Variants in ZNF500 observed in about 807,000 individuals in gnomAD.
ZNF500 encodes zinc finger protein with KRAB and SCAN domains 18.
In ZNF500, 31 loss-of-function variants were observed where a neutral mutation model predicts 30.1. The ratio of observed to expected loss-of-function variants is 1.03; its 90% CI spans 0.77 to 1.39. The LOEUF (loss-of-function observed/expected upper bound fraction) is 1.39, where lower values mean the gene tolerates loss of function less well. Ranked by LOEUF, ZNF500 falls within the 40% of genes most tolerant of loss-of-function variation. The probability of loss-of-function intolerance (pLI) is 0.00; values close to 1 mark genes in which losing one functional copy is unlikely to be tolerated. For missense variants in ZNF500, 817 were observed against 657.8 expected, an observed-to-expected ratio of 1.24 and a Z score of -2.65; for synonymous variants, 392 against 282.0, an observed-to-expected ratio of 1.39 and a Z score of -3.91.
At chr16:4,766,453 CTACAAAAAA>C (rs1183606897) in intron 1 of ZNF500, among the ~76,000 whole-genome samples, 1 of 152,054 alleles carries the variant, frequency 6.6e-6, no homozygotes, top group Non-Finnish European at 1.5e-5. Flanking sequence ...AACCCTGTCT[CTACAAAAAA>C]TACAAAAATT....
downstream of ZNF500, chr16:4,747,212 T>G: frequency 7.8e-7 from 1 of 1,282,178 alleles, no homozygotes; most frequent in Non-Finnish European, 1.1e-6. Context: ...GCAGCAGTGA[T>G]GGGCTGCCTG....
Position 4,752,526 on chromosome 16 carries a change from G to C in ZNF500, c.1293C>G (p.His431Gln). 6.4e-7 allele frequency: 1 copy of C among 1,561,978 alleles called. No homozygotes were observed. Among genetic ancestry groups the C allele is most frequent in the East Asian group, 2.4e-5 (1 of 41,980 alleles). Residue 431 changes from histidine (H) to glutamine (Q), a missense_variant, in exon 6 of 6, where the codon CAC (histidine) becomes CAG (glutamine). His to Gln is a conservative substitution (Grantham distance 24, BLOSUM62 0). Transcript: ENST00000219478. The stretch of plus-strand genomic sequence containing the variant: ...GGCAGGTGTAGGGCTTCTCACCTGT[G>C]TGCGTCCGGCGGTGGGCGCTGAAGT... ...SSHFSAHRRT[H>Q]TGEKPYTCPA...
rs757062240 is a variant in ZNF500, at chr16:4,766,008, G to A, written c.-30C>T. 32 of 1,519,400 alleles carry A rather than the reference G, an allele frequency of 2.1e-5. 1 individual carries two copies. In the South Asian group the frequency reaches 4.2e-4, roughly 20 times the overall value. The allele number at this position is 1,519,400 out of a possible 1,614,324, so 94.1% of individuals were successfully genotyped here. On this transcript the variant is annotated 5_prime_UTR_variant, in exon 2 of 6. Coordinates refer to ENST00000219478, the MANE Select transcript of ZNF500 (RefSeq NM_021646.4). ...TCCGGTGGGCCTTGTTCCTTTTCAG[G>A]CCTTAGAGTTGAACCTGTCTCTCTC... is the stretch of plus-strand genomic sequence containing the variant.
At chr16:4,764,433 C>T (rs150439029) in intron 2 of ZNF500, among the ~76,000 whole-genome samples, 326 of 151,666 alleles carry the variant, frequency 2.1e-3, no homozygotes, top group African/African-American at 7.1e-3. Context: ...GGCTGAGGCA[C>T]GAGAATCACT....
intron 2 of ZNF500, 122 bp downstream of exon 2, chr16:4,765,443 T>C: frequency 7.1e-7 from 1 of 1,401,204 alleles, no homozygotes; most frequent in Non-Finnish European, 9.7e-7. Context: ...GTTGCTTTCC[T>C]CAAAAGGGCT....
At chr16:4,744,866 T>C (rs1186177291), downstream of ZNF500, 6 of 1,611,076 alleles carry the variant, frequency 3.7e-6, no homozygotes, top group Non-Finnish European at 5.1e-6. Context: ...TTGGCCATCC[T>C]CAGACCGCAT....
chr16:4,757,473 A>T (rs2082148266), intron 5 of ZNF500, among the ~76,000 whole-genome samples: 2 of 151,540 alleles, frequency 1.3e-5, no homozygotes, highest in African/African-American at 4.9e-5. Context: ...CCACTTTTGT[A>T]TTTTTTTGTA....
At chr16:4,763,480 G>T (rs907615408) in intron 2 of ZNF500, 2 of 870,676 alleles carry the variant, frequency 2.3e-6, no homozygotes. Flanking sequence ...TTCCAGGAAA[G>T]GTGAGTTGAA....
intron 5 of ZNF500, chr16:4,758,496 G>A (rs1398298944): frequency 1.3e-5 from 2 of 152,238 alleles, no homozygotes; most frequent in South Asian, 2.1e-4. Flanking sequence ...TGCGCTCAGA[G>A]ATCTTCAGAT....
In ZNF500 at chr16:4,749,895, G is replaced by C. The variant is rs2082062092; in HGVS notation, c.*2481C>G. The C allele has an allele frequency of 6.6e-6, 1 of 152,240 alleles. No homozygotes were observed. Among genetic ancestry groups the C allele is most frequent in the African/African-American group, 2.4e-5 (1 of 41,438 alleles). 9.4% of individuals were successfully genotyped at this position (152,240 alleles called of 1,614,324 possible). ...AACATCACAGCACACGCAGGCACCTGGGACTCACAGCTCCTACAAAACTCT... is the reference window on the plus strand; with the variant it reads ...AACATCACAGCACACGCAGGCACCTCGGACTCACAGCTCCTACAAAACTCT... On this transcript the variant is annotated 3_prime_UTR_variant, in exon 6 of 6. Coordinates refer to ENST00000219478, the MANE Select transcript of ZNF500 (RefSeq NM_021646.4).
At position 4,752,772 on chromosome 16, in the gene ZNF500, G is replaced by A. The variant is rs143816002; in HGVS notation, c.1047C>T (p.Gly349=). The A allele has an allele frequency of 1.5e-5, 25 of 1,614,058 alleles. No individual in the cohort carries two copies. In the Admixed American group the frequency reaches 2.5e-4, roughly 16 times the overall value. Residue 349 remains glycine (G), a synonymous_variant, in exon 6 of 6, where the codon GGC becomes GGT. Coordinates refer to ENST00000219478, the MANE Select transcript of ZNF500 (RefSeq NM_021646.4). ...HLTKHQRTHT[G]ERPYKCLVCG... The stretch of plus-strand genomic sequence containing the variant: ...AGACTAGGCACTTGTAAGGCCGCTC[G>A]CCCGTGTGTGTGCGCTGGTGCTTGG...
At position 4,752,465 on chromosome 16, in the gene ZNF500, G is replaced by C. The variant is rs569911597; in HGVS notation, c.1354C>G (p.Leu452Val). ...ATGTGGGTCCGCTGGTGCTTGTGCA[G>C]GTCGGTGCCCCGGCGGAAGCCCCGG... ...CGRGFRRGTD[L>V]HKHQRTHMGA... Residue 452 changes from leucine (L) to valine (V), a missense_variant, in exon 6 of 6, where the codon CTG becomes GTG. Transcript: ENST00000219478. 1 of 1,543,846 alleles carries C rather than the reference G, an allele frequency of 6.5e-7. No homozygotes were observed. The highest frequency in any genetic ancestry group is 2.4e-5 in the East Asian group (1 of 41,158).
At chr16:4,764,190 G>C in intron 2 of ZNF500, 1 of 636,012 alleles carries the variant, frequency 1.6e-6, no homozygotes, top group Non-Finnish European at 2.0e-6. Context: ...TGACGACTGA[G>C]CCCTTGAGAG....
chr16:4,746,556 G>A (rs774575797), downstream of ZNF500: 1 of 1,587,798 alleles, frequency 6.3e-7, no homozygotes, highest in South Asian at 1.1e-5. Context: ...CTACTTTGCA[G>A]AGTTGCCTGT....
At chr16:4,747,481 T>C, downstream of ZNF500, 1 of 1,613,210 alleles carries the variant, frequency 6.2e-7, no homozygotes, top group Non-Finnish European at 8.5e-7. Context: ...GATCACGAAC[T>C]GGGAGGAAGC....
intron 5 of ZNF500, among the ~76,000 whole-genome samples, chr16:4,755,617 G>A (rs749664015): frequency 1.1e-4 from 16 of 152,066 alleles, no homozygotes; most frequent in Non-Finnish European, 1.9e-4. Context: ...ATGCCTGGCC[G>A]TACAAATATT....
chr16:4,752,775 C>A lies in ZNF500; in HGVS notation c.1044G>T (p.Thr348=). ...SHLTKHQRTH[T]GERPYKCLVC... ...CTAGGCACTTGTAAGGCCGCTCGCC[C>A]GTGTGTGTGCGCTGGTGCTTGGTCA... Residue 348 remains threonine (T), a synonymous_variant, in exon 6 of 6, where the codon ACG becomes ACT. Coordinates refer to ENST00000219478, the MANE Select transcript of ZNF500 (RefSeq NM_021646.4). 6.2e-7 allele frequency: 1 copy of A among 1,614,216 alleles called. No homozygotes were observed.
intron 5 of ZNF500, among the ~76,000 whole-genome samples, chr16:4,754,786 G>A (rs73511088): frequency 0.018 from 2,750 of 152,080 alleles, 93 homozygotes; most frequent in African/African-American, 0.063. Context: ...ATATGGTTTC[G>A]ATCTATGTCC....
At chr16:4,753,110 A>C in intron 5 of ZNF500, 52 bp from the exon 6 acceptor site, 1 of 1,494,436 alleles carries the variant, frequency 6.7e-7, no homozygotes, top group South Asian at 1.4e-5. Flanking sequence ...AGGGCAAGGG[A>C]AATCCTTCTA....
Sources: gnomAD v4.1 joint callset for allele counts (sites outside exome capture counted in the v4.1 genomes callset) on GRCh38, gnomAD v4.1.1 for gene constraint, MANE v1.5 for transcripts, NCBI Gene and HGNC (gene_info 2026-07-23, HGNC 2026-07-21) for gene names.